The following JPT2 variants were observed in gnomAD, a reference collection of about 807,000 sequenced individuals.
JPT2 encodes the protein CRAMP_1 like.
In JPT2, 9 loss-of-function variants were observed where a neutral mutation model predicts 15.9. The ratio of observed to expected loss-of-function variants is 0.57; its 90% CI spans 0.34 to 0.99. The LOEUF (loss-of-function observed/expected upper bound fraction) is 0.99, where lower values mean the gene tolerates loss of function less well. Among genes scored for constraint, JPT2 ranks in the 50% least tolerant of loss-of-function variants. JPT2 has a pLI of 0.02. For synonymous variants in JPT2, 95 were observed against 91.7 expected, an observed-to-expected ratio of 1.04 and a Z score of -0.21; for missense variants, 267 against 252.1, an observed-to-expected ratio of 1.06 and a Z score of -0.40.
chr16:1,688,170 TAGG>T (rs1278436637), intron 2 of JPT2, among the ~76,000 whole-genome samples: 1 of 152,234 alleles, frequency 6.6e-6, no homozygotes, highest in Non-Finnish European at 1.5e-5. Flanking sequence ...TCGCTATAAC[TAGG>T]AGTAGGTTGT....
chr16:1,694,363 C>G (rs2037126183), intron 3 of JPT2, among the ~76,000 whole-genome samples: 1 of 152,116 alleles, frequency 6.6e-6, no homozygotes, highest in African/African-American at 2.4e-5. Context: ...GAGCTGCGCT[C>G]AGAACAATGG....
chr16:1,691,736 G>C (rs1259215284), intron 2 of JPT2, 107 bp from the exon 3 acceptor site: 6 of 1,341,066 alleles, frequency 4.5e-6, no homozygotes, highest in African/African-American at 3.0e-5. Context: ...CTCAGGGCTG[G>C]CACTCGGGGT....
chr16:1,697,725 G>T, intron 3 of JPT2, 87 bp from the exon 4 acceptor site: 1 of 1,275,312 alleles, frequency 7.8e-7, no homozygotes, highest in East Asian at 2.3e-5. Context: ...AAATTAAAAG[G>T]TTATATGGTC....
intron 3 of JPT2, among the ~76,000 whole-genome samples, chr16:1,694,834 A>G (rs963691752): frequency 5.3e-5 from 8 of 152,264 alleles, no homozygotes; most frequent in Admixed American, 2.0e-4. Flanking sequence ...AATGAACTCA[A>G]AATGGATCGA....
At chr16:1,683,509 G>A in intron 1 of JPT2, 1 of 1,532,962 alleles carries the variant, frequency 6.5e-7, no homozygotes, top group Non-Finnish European at 8.7e-7. Flanking sequence ...AATCCTCCAG[G>A]AAATGGCAAC....
Position 1,697,775 on chromosome 16 carries a change from T to C in JPT2, c.337-37T>C, listed in dbSNP as rs551935315. The C allele has an allele frequency of 2.1e-5, 33 of 1,604,520 alleles. No homozygotes were observed. The South Asian group carries it at 3.5e-4, about 17-fold the overall frequency. On this transcript the variant is annotated intron_variant, in intron 3 of 4. Transcript: ENST00000248098. ...CCATTTGAATGAGGGTAAAATTTTCTGAGTGAGTCCTGATTTGGTGGTTTG... is the reference window on the plus strand; with the variant it reads ...CCATTTGAATGAGGGTAAAATTTTCCGAGTGAGTCCTGATTTGGTGGTTTG...
chr16:1,699,432 C>T lies in JPT2; in HGVS notation c.*434C>T, dbSNP rs1020855652. On this transcript the variant is annotated 3_prime_UTR_variant, in exon 5 of 5. Transcript: ENST00000248098. ...CAGTATATTGACCTCTTAGCAGAAC[C>T]GCTTCCATTCTGGAGATCACGGCTG... The T allele has an allele frequency of 1.9e-5, 7 of 366,366 alleles. No individual in the cohort carries two copies. Among genetic ancestry groups the T allele is most frequent in the African/African-American group, 4.2e-5 (2 of 47,422 alleles). The allele number at this position is 366,366 out of a possible 1,614,324, so 22.7% of individuals were successfully genotyped here.
At chr16:1,685,348 CT>C in intron 1 of JPT2, 90 bp from the exon 2 acceptor site, 4 of 1,374,656 alleles carry the variant, frequency 2.9e-6, no homozygotes, top group Non-Finnish European at 4.0e-6. Context: ...AAACAAAATA[CT>C]TTTACCCTGT....
intron 1 of JPT2, chr16:1,683,532 G>A: frequency 6.5e-7 from 1 of 1,534,968 alleles, no homozygotes; most frequent in Non-Finnish European, 8.7e-7. Flanking sequence ...CTGACAGGAA[G>A]TTTGGCATCC....
In JPT2 at chr16:1,698,772, G is replaced by T. The variant is rs954588071; in HGVS notation, c.386-39G>T. On this transcript the variant is annotated intron_variant, in intron 4 of 4. Transcript: ENST00000248098. This position sits in a 1 kb window ranked among gnomAD's most constrained non-coding sequence, Gnocchi z 4.9. The stretch of plus-strand genomic sequence containing the variant: ...AGCCTGCCTGTCAGGGTCATGGGTT[G>T]CCTCTAATGGGATGTTGTTCTAACT... The T allele has an allele frequency of 1.9e-6, 3 of 1,570,626 alleles. No individual in the cohort carries two copies. Among genetic ancestry groups the T allele is most frequent in the African/African-American group, 1.4e-5 (1 of 73,270 alleles).
Position 1,702,068 on chromosome 16 carries a change from T to C in JPT2, c.*3070T>C, listed in dbSNP as rs2037183763. 4.4e-6 allele frequency: 2 copies of C among 450,248 alleles called. No individual in the cohort carries two copies. Among genetic ancestry groups the C allele is most frequent in the Admixed American group, 2.4e-5 (1 of 41,996 alleles). 27.9% of individuals were successfully genotyped at this position (450,248 alleles called of 1,614,324 possible). On this transcript the variant is annotated 3_prime_UTR_variant, in exon 5 of 5. Transcript: ENST00000248098. The stretch of plus-strand genomic sequence containing the variant: ...GTAAAAAAATAAAATAAAAAACAGA[T>C]TGGATGTCTTTCTTCTGATGTATTA...
At position 1,691,968 on chromosome 16, in the gene JPT2, C is replaced by T. The variant is rs1339708767; in HGVS notation, c.319C>T (p.His107Tyr). ...SPVTATSRLA[H>Y]PNKPKDHVFL... ...GGTCACTGCCACTTCACGCTTGGCA[C>T]ACCCAAACAAACCCAAGGTATGGAC... The change falls in exon 3 of 5, where the codon CAC becomes TAC. Residue 107 changes from histidine (H) to tyrosine (Y), a missense_variant. His to Tyr is a moderately conservative substitution (Grantham distance 83). Transcript: ENST00000248098. The T allele has an allele frequency of 6.2e-7, 1 of 1,614,198 alleles. No individual in the cohort carries two copies. The highest frequency in any genetic ancestry group is 1.7e-5 in the Admixed American group (1 of 60,036).
Position 1,678,322 on chromosome 16 carries a change from G to A in JPT2, c.10G>A (p.Val4Ile). 4 of 1,237,474 alleles carry A rather than the reference G, an allele frequency of 3.2e-6. No homozygotes were observed. Among genetic ancestry groups the A allele is most frequent in the Admixed American group, 4.2e-5 (1 of 24,096 alleles). 76.7% of individuals were successfully genotyped at this position (1,237,474 alleles called of 1,614,324 possible). Residue 4 changes from valine to isoleucine, a missense_variant, in exon 1 of 5, where the codon GTC (valine) becomes ATC (isoleucine). Transcript: ENST00000248098. Reference sequence around the variant, plus strand: ...GGTGGCGGCGGTCGACATGTTCCAGGTCCCGGATAGCGAGGGCGGCCGCGC... The same window carrying A: ...GGTGGCGGCGGTCGACATGTTCCAGATCCCGGATAGCGAGGGCGGCCGCGC... MFQ[V>I]PDSEGGRAGS...
chr16:1,689,637 C>G (rs978585870), intron 2 of JPT2: 5 of 152,154 alleles, frequency 3.3e-5, no homozygotes, highest in Non-Finnish European at 7.3e-5. Context: ...GAGACAAGGT[C>G]TCACTTGTTT....
chr16:1,699,847 C>T lies in JPT2; in HGVS notation c.*849C>T. The T allele has an allele frequency of 3.7e-6, 1 of 272,916 alleles. No individual in the cohort carries two copies. The highest frequency in any genetic ancestry group is 7.5e-6 in the Non-Finnish European group (1 of 132,708). The allele number at this position is 272,916 out of a possible 1,614,324, so 16.9% of individuals were successfully genotyped here. A position where few individuals can be genotyped will look rare whatever the true frequency, so the allele number is the denominator to read the frequency against. On this transcript the variant is annotated 3_prime_UTR_variant, in exon 5 of 5. Coordinates refer to ENST00000248098, the MANE Select transcript of JPT2 (RefSeq NM_144570.3). ...TCTTCCCATAAATGAGGCCCGCTGA[C>T]CTCTGCGGGACTTTAAAAATCTATT...
chr16:1,692,278 A>G, intron 3 of JPT2: 1 of 396,302 alleles, frequency 2.5e-6, no homozygotes, highest in Non-Finnish European at 4.6e-6. Context: ...GGCGCGGAGA[A>G]GCGGTGGGGA....
At chr16:1,680,257 C>T in intron 1 of JPT2, 1 of 904,392 alleles carries the variant, frequency 1.1e-6, no homozygotes. Flanking sequence ...AGTACGTTTC[C>T]TTTTTGTTTG....
intron 1 of JPT2, chr16:1,683,522 C>G (rs1359726064): frequency 1.3e-6 from 2 of 1,535,066 alleles, no homozygotes; most frequent in Admixed American, 2.0e-5. Context: ...ATGGCAACTG[C>G]TGACAGGAAG....
chr16:1,683,506 C>T, intron 1 of JPT2: 5 of 1,532,174 alleles, frequency 3.3e-6, no homozygotes, highest in Non-Finnish European at 4.4e-6. Flanking sequence ...TCAAATCCTC[C>T]AGGAAATGGC....
Sources: allele counts gnomAD v4.1 joint callset (sites outside exome capture counted in the v4.1 genomes callset), GRCh38; gene constraint gnomAD v4.1.1; non-coding constraint Gnocchi (gnomAD v3.1); transcripts MANE v1.5; gene names NCBI Gene and HGNC (gene_info 2026-07-23, HGNC 2026-07-21).